The following FREM1 variants were observed in gnomAD, a reference collection of about 807,000 sequenced individuals.
FREM1 encodes the protein FRAS1-related extracellular matrix protein 1.
In FREM1, 220 loss-of-function variants were observed where a neutral mutation model predicts 210.1. The observed-to-expected ratio is 1.05, with a 90% CI of 0.94 to 1.17. The LOEUF is 1.17. Ranked by LOEUF, FREM1 falls within the 50% of genes most tolerant of loss-of-function variation. The pLI is 0.00. For synonymous variants in FREM1, 1,189 were observed against 980.2 expected (o/e 1.21, Z -3.98); for missense variants, 3,454 against 2,675.5 (o/e 1.29, Z -6.42).
At chr9:14,830,830 A>G (rs1468920530) in intron 10 of FREM1, among the ~76,000 whole-genome samples, 2 of 152,242 alleles carry the variant, frequency 1.3e-5, no homozygotes, top group African/African-American at 2.4e-5. Context: ...GCATTGAGGT[A>G]CAGGAATCTG....
chr9:14,800,047 G>A (rs1176961589), intron 20 of FREM1, among the ~76,000 whole-genome samples: 3 of 149,508 alleles, frequency 2.0e-5, no homozygotes, highest in East Asian at 2.0e-4. Flanking sequence ...AACATGCAGT[G>A]TTTGGTTATA....
chr9:14,834,771 A>T (rs1400785410), intron 10 of FREM1, among the ~76,000 whole-genome samples: 1 of 152,158 alleles, frequency 6.6e-6, no homozygotes, highest in Non-Finnish European at 1.5e-5. Context: ...GGTGAACACT[A>T]ATATATGTTC....
At position 14,842,332 on chromosome 9, in the gene FREM1, T is replaced by C. The variant is rs1825833740; in HGVS notation, c.1722A>G (p.Pro574=). The change falls in exon 9 of 37, where the codon CCA becomes CCG. Residue 574 remains proline, a synonymous_variant. Transcript: ENST00000380880. The stretch of plus-strand genomic sequence containing the variant: ...AGAACTTACCTATCAGTCCTGGCCC[T>C]GGCTTCTTCATGATCTCCCCAGCCT... The part of the protein sequence containing the change: ...PPQAGEIMKK[P]GPGLIGYPVH... 3 of 1,587,868 alleles carry C rather than the reference T, an allele frequency of 1.9e-6. No individual in the cohort carries two copies. The highest frequency in any genetic ancestry group is 1.7e-5 in the Admixed American group (1 of 58,484).
chr9:14,830,181 G>T (rs2130946711), intron 10 of FREM1, among the ~76,000 whole-genome samples: 1 of 152,340 alleles, frequency 6.6e-6, no homozygotes, highest in South Asian at 2.1e-4. Context: ...TCAGGGCAGA[G>T]AAAGGATTAA....
At chr9:14,770,557 C>T in intron 26 of FREM1, 48 bp downstream of exon 26, 4 of 1,409,312 alleles carry the variant, frequency 2.8e-6, no homozygotes, top group Non-Finnish European at 4.0e-6. Flanking sequence ...CCCTGCCAGC[C>T]ACTGGGTATT....
chr9:14,753,772 T>C (rs1843786876), intron 29 of FREM1, among the ~76,000 whole-genome samples: 1 of 152,236 alleles, frequency 6.6e-6, no homozygotes, highest in Non-Finnish European at 1.5e-5. Context: ...CCTGTGGACA[T>C]GGAGAACTTC....
intron 29 of FREM1, among the ~76,000 whole-genome samples, chr9:14,750,520 G>A (rs1843160331): frequency 6.6e-6 from 1 of 152,044 alleles, no homozygotes; most frequent in Non-Finnish European, 1.5e-5. Context: ...GCTGCAGTAT[G>A]CAAGGGATAA....
intron 2 of FREM1, among the ~76,000 whole-genome samples, chr9:14,867,191 T>C (rs1831686722): frequency 6.6e-6 from 1 of 152,174 alleles, no homozygotes; most frequent in African/African-American, 2.4e-5. Context: ...GTCCCTGTAG[T>C]TGGGTCTCTA....
At chr9:14,760,610 CA>C (rs1056889455) in intron 27 of FREM1, among the ~76,000 whole-genome samples, 2 of 152,058 alleles carry the variant, frequency 1.3e-5, no homozygotes, top group African/African-American at 4.8e-5. Context: ...TAGAGAGGAA[CA>C]TTTTTTTTCA....
chr9:14,861,358 C>CACATATATATACATATATACACATATAT lies in FREM1; in HGVS notation c.330-1875_330-1874insATATATGTGTATATATGTATATATATGT, dbSNP rs1554708870. On this transcript the variant is annotated intron_variant, in intron 3 of 36. Coordinates refer to ENST00000380880, the MANE Select transcript of FREM1 (RefSeq NM_001379081.2). ...ATATACACATATATATACATATATA[C>CACATATATATACATATATACACATATAT]ACATATATACACGTATATACATATA... Among the ~76,000 whole-genome samples, 154 of 93,076 alleles carry CACATATATATACATATATACACATATAT rather than the reference C, an allele frequency of 1.7e-3. 12 individuals are homozygous for CACATATATATACATATATACACATATAT. Among genetic ancestry groups the CACATATATATACATATATACACATATAT allele is most frequent in the African/African-American group, 8.6e-3 (143 of 16,712 alleles). 61.1% of individuals were successfully genotyped at this position (93,076 alleles called of 152,430 possible). A position where few individuals can be genotyped will look rare whatever the true frequency, so the allele number is the denominator to read the frequency against.
chr9:14,806,642 T>A lies in FREM1; in HGVS notation c.3274+19A>T, dbSNP rs1345453242. 1 of 1,413,484 alleles carries A rather than the reference T, an allele frequency of 7.1e-7. No individual in the cohort carries two copies. The highest frequency in any genetic ancestry group is 9.9e-7 in the Non-Finnish European group (1 of 1,010,122). The allele number at this position is 1,413,484 out of a possible 1,614,324, so 87.6% of individuals were successfully genotyped here. Reference sequence around the variant, plus strand: ...ATATAAGGAAGGGAGTCATTGCTGGTGACGAAGCTACAGCTTACCTATACT... The same window carrying A: ...ATATAAGGAAGGGAGTCATTGCTGGAGACGAAGCTACAGCTTACCTATACT... On this transcript the variant is annotated intron_variant, in intron 18 of 36. Coordinates refer to ENST00000380880, the MANE Select transcript of FREM1 (RefSeq NM_001379081.2).
Position 14,904,534 on chromosome 9 carries a change from C to T in FREM1, c.-268+5380G>A, listed in dbSNP as rs149837112. Among the ~76,000 whole-genome samples the T allele has an allele frequency of 3.9e-5, 6 of 152,170 alleles. No homozygotes were observed. The South Asian group carries it at 1.2e-3, about 31-fold the overall frequency. On this transcript the variant is annotated intron_variant, in intron 1 of 36. Coordinates refer to ENST00000380880, the MANE Select transcript of FREM1 (RefSeq NM_001379081.2). ...GAAAAGAGCAGATCTGCTTTCGCAG[C>T]ACTTTATTTTTTAAAATAGTCTGTC...
intron 29 of FREM1, among the ~76,000 whole-genome samples, chr9:14,754,444 T>C (rs1009725627): frequency 4.6e-5 from 7 of 152,130 alleles, no homozygotes; most frequent in African/African-American, 1.4e-4. Flanking sequence ...AAAAACAAAA[T>C]ACAGATTTTT....
At chr9:14,750,864 A>G (rs1843240557) in intron 29 of FREM1, among the ~76,000 whole-genome samples, 1 of 152,192 alleles carries the variant, frequency 6.6e-6, no homozygotes, top group South Asian at 2.1e-4. Flanking sequence ...TGGGGGTTCT[A>G]GAAATAAAGC....
At chr9:14,847,802 TAC>T (rs139614725) in intron 7 of FREM1, among the ~76,000 whole-genome samples, 1 of 152,276 alleles carries the variant, frequency 6.6e-6, no homozygotes, top group African/African-American at 2.4e-5. Context: ...ATTCCATCTC[TAC>T]ACTCAGGCAG....
At chr9:14,863,294 T>C (rs958336286) in intron 3 of FREM1, among the ~76,000 whole-genome samples, 6 of 149,148 alleles carry the variant, frequency 4.0e-5, no homozygotes, top group Non-Finnish European at 7.4e-5. Context: ...TGAGCCGAGA[T>C]TGCGCCACTG....
intron 36 of FREM1, among the ~76,000 whole-genome samples, chr9:14,739,480 C>A (rs961076333): frequency 6.7e-5 from 9 of 134,744 alleles, no homozygotes; most frequent in Non-Finnish European, 1.1e-4. Context: ...ATATATAATT[C>A]ATATATATAT....
intron 1 of FREM1, among the ~76,000 whole-genome samples, chr9:14,893,849 A>C (rs1019166825): frequency 1.3e-5 from 2 of 152,224 alleles, no homozygotes; most frequent in South Asian, 2.1e-4. Context: ...TAAAAAATTA[A>C]TTGTAAAAGA....
intron 24 of FREM1, chr9:14,782,430 T>G: frequency 1.3e-6 from 1 of 756,894 alleles, no homozygotes; most frequent in Non-Finnish European, 1.6e-6. Context: ...AGGTCACTGG[T>G]TTCTTCAAGA....
Sources: allele counts gnomAD v4.1 joint callset (sites outside exome capture counted in the v4.1 genomes callset), GRCh38; gene constraint gnomAD v4.1.1; transcripts MANE v1.5; gene names NCBI Gene and HGNC (gene_info 2026-07-23, HGNC 2026-07-21).